The following PCDHGB4 variants were observed in gnomAD, a reference collection of about 807,000 sequenced individuals.
PCDHGB4 encodes protocadherin gamma subfamily B, 4, also known as protocadherin gamma-B4.
In PCDHGB4, 38 loss-of-function variants were observed where a neutral mutation model predicts 60.5. That is an observed-to-expected ratio of 0.63 (90% confidence interval 0.48 to 0.82). The LOEUF (loss-of-function observed/expected upper bound fraction) is 0.82, where lower values mean the gene tolerates loss of function less well. Among genes scored for constraint, PCDHGB4 ranks in the 40% least tolerant of loss-of-function variants. PCDHGB4 has a pLI of 0.00. For synonymous variants in PCDHGB4, 456 were observed against 509.7 expected, an observed-to-expected ratio of 0.89 and a Z score of 1.42; for missense variants, 1,109 against 1,209.6, an observed-to-expected ratio of 0.92 and a Z score of 1.23.
At position 141,413,315 on chromosome 5, in the gene PCDHGB4, C is replaced by G. The variant is rs747758921; in HGVS notation, c.2397+23034C>G. The stretch of plus-strand genomic sequence containing the variant: ...ATTCCTGAGGAATTAGAGAAAGGCT[C>G]TTTCGTGGGCAACATCTCCAAGGAC... On this transcript the variant is annotated intron_variant, in intron 1 of 3. Transcript: ENST00000519479. 6 of 1,613,976 alleles carry G rather than the reference C, an allele frequency of 3.7e-6. No individual in the cohort carries two copies. The South Asian group carries it at 5.5e-5, about 15-fold the overall frequency.
At chr5:141,402,212 A>C (rs1282581389) in intron 1 of PCDHGB4, among the ~76,000 whole-genome samples, 1 of 152,138 alleles carries the variant, frequency 6.6e-6, no homozygotes, top group Non-Finnish European at 1.5e-5. Flanking sequence ...ACAAAAATTT[A>C]AAATAAACGT....
At chr5:141,423,790 T>C (rs1561813105) in intron 1 of PCDHGB4, 2 of 1,261,874 alleles carry the variant, frequency 1.6e-6, no homozygotes, top group Non-Finnish European at 1.0e-6. Context: ...TTCATATATA[T>C]TTAGAGCAAT....
At chr5:141,419,789 G>A (rs758649709) in intron 1 of PCDHGB4, 2 of 1,614,068 alleles carry the variant, frequency 1.2e-6, no homozygotes, top group South Asian at 2.2e-5. Context: ...GCGCCTGCTA[G>A]TCGCTGTAAG....
intron 2 of PCDHGB4, among the ~76,000 whole-genome samples, chr5:141,500,428 C>G (rs1224554560): frequency 6.6e-6 from 1 of 151,836 alleles, no homozygotes; most frequent in African/African-American, 2.4e-5. Context: ...CCAGGATGGT[C>G]TCGATCTCCT....
intron 1 of PCDHGB4, among the ~76,000 whole-genome samples, chr5:141,451,829 C>T (rs564970982): frequency 1.2e-4 from 18 of 151,422 alleles, no homozygotes; most frequent in African/African-American, 4.1e-4. Flanking sequence ...TACAGTGAGC[C>T]GAGATCACAC....
chr5:141,497,211 G>C (rs914346878), intron 2 of PCDHGB4, among the ~76,000 whole-genome samples: 19 of 28,538 alleles, frequency 6.7e-4, no homozygotes, highest in African/African-American at 2.3e-3. Flanking sequence ...GAGTGTAATG[G>C]GGGGGGGAAG....
chr5:141,463,438 CTTTTTTTTTTTT>C (rs71576115), intron 1 of PCDHGB4, among the ~76,000 whole-genome samples: 6 of 103,254 alleles, frequency 5.8e-5, no homozygotes, highest in Admixed American at 3.1e-4. Flanking sequence ...TTTCCTTCTC[CTTTTTTTTTTTT>C]TTTTTTTTTT....
At chr5:141,478,723 A>C in intron 1 of PCDHGB4, 16 of 1,543,220 alleles carry the variant, frequency 1.0e-5, no homozygotes, top group Non-Finnish European at 1.3e-5. Flanking sequence ...GTGGCCTGCC[A>C]GAGTGTGGTT....
At chr5:141,409,729 G>A (rs781234442) in intron 1 of PCDHGB4, 161 of 1,612,966 alleles carry the variant, frequency 1.0e-4, no homozygotes, top group Non-Finnish European at 1.7e-6. Context: ...CAGTGAGCGC[G>A]CAGAGCGGGG....
At chr5:141,414,305 A>G (rs2095732833) in intron 1 of PCDHGB4, 2 of 1,613,604 alleles carry the variant, frequency 1.2e-6, no homozygotes, top group African/African-American at 2.7e-5. Flanking sequence ...AATGTGCATG[A>G]TTTAGACTCT....
chr5:141,489,101 T>A lies in PCDHGB4; in HGVS notation c.2398-5706T>A. 2 of 398,380 alleles carry A rather than the reference T, an allele frequency of 5.0e-6. No individual in the cohort carries two copies. Among genetic ancestry groups the A allele is most frequent in the Non-Finnish European group, 9.0e-6 (2 of 223,310 alleles). The allele number at this position is 398,380 out of a possible 1,614,324, so 24.7% of individuals were successfully genotyped here. ...CCGCCACTCGGTGACTAAGAACTGC[T>A]GCAAGCAGGCAAACCTCCGAGCAGT... On this transcript the variant is annotated intron_variant, in intron 1 of 3. Coordinates refer to ENST00000519479, the MANE Select transcript of PCDHGB4 (RefSeq NM_003736.4). This position sits in a 1 kb window ranked among gnomAD's most constrained non-coding sequence, Gnocchi z 4.5.
At position 141,399,929 on chromosome 5, in the gene PCDHGB4, C is replaced by T. The variant is rs746168026; in HGVS notation, c.2397+9648C>T. 15 of 1,612,262 alleles carry T rather than the reference C, an allele frequency of 9.3e-6. No homozygotes were observed. The African/African-American group carries it at 1.1e-4, about 11-fold the overall frequency. On this transcript the variant is annotated intron_variant, in intron 1 of 3. Coordinates refer to ENST00000519479, the MANE Select transcript of PCDHGB4 (RefSeq NM_003736.4). ...GACTCAGGACACAACGCCTGGCTGT[C>T]CTACCACGTGCTGCAGGCTAGCGAG...
intron 1 of PCDHGB4, chr5:141,415,164 G>A: frequency 1.9e-6 from 3 of 1,613,838 alleles, no homozygotes; most frequent in African/African-American, 2.7e-5. Flanking sequence ...CCACTGTCAC[G>A]CTCACCGTGG....
Position 141,476,064 on chromosome 5 carries a change from C to T in PCDHGB4, c.2398-18743C>T, listed in dbSNP as rs1593605493. On this transcript the variant is annotated intron_variant, in intron 1 of 3. Transcript: ENST00000519479. The surrounding 1 kb of genome is among the most constrained non-coding windows in gnomAD (Gnocchi z 7.6). Reference sequence around the variant, plus strand: ...CGCTAACCCGCTGAAAGTTTCTCAGCGAAATCTCAGGGACGATCTGGACCC... The same window carrying T: ...CGCTAACCCGCTGAAAGTTTCTCAGTGAAATCTCAGGGACGATCTGGACCC... 2.0e-6 allele frequency: 3 copies of T among 1,510,080 alleles called. No homozygotes were observed. In the East Asian group the frequency reaches 6.8e-5, roughly 34 times the overall value. 93.5% of individuals were successfully genotyped at this position (1,510,080 alleles called of 1,614,324 possible). A position where few individuals can be genotyped will look rare whatever the true frequency, so the allele number is the denominator to read the frequency against.
At chr5:141,447,535 G>C (rs1366016262) in intron 1 of PCDHGB4, among the ~76,000 whole-genome samples, 1 of 152,162 alleles carries the variant, frequency 6.6e-6, no homozygotes, top group African/African-American at 2.4e-5. Flanking sequence ...AAATTGTTGG[G>C]TTTTAATGTT....
intron 1 of PCDHGB4, chr5:141,399,892 G>T: frequency 1.2e-6 from 2 of 1,612,554 alleles, no homozygotes; most frequent in Non-Finnish European, 1.7e-6. Flanking sequence ...CAAGGTAGTG[G>T]CCGTGGACGC....
intron 1 of PCDHGB4, chr5:141,400,528 A>T (rs764084750): frequency 1.9e-6 from 3 of 1,613,868 alleles, no homozygotes; most frequent in Non-Finnish European, 2.5e-6. Context: ...TGAGTTGGTG[A>T]GTTTCATTTA....
At chr5:141,393,166 G>A in intron 1 of PCDHGB4, 2 of 1,613,244 alleles carry the variant, frequency 1.2e-6, no homozygotes, top group Non-Finnish European at 1.7e-6. Flanking sequence ...AAACTCTTTG[G>A]GGTAGAAATA....
intron 1 of PCDHGB4, among the ~76,000 whole-genome samples, chr5:141,448,422 T>C (rs1561930551): frequency 3.9e-5 from 6 of 152,150 alleles, no homozygotes; most frequent in Admixed American, 3.3e-4. Flanking sequence ...CAATATACTA[T>C]GTATATATTG....
Sources: gnomAD v4.1 joint callset for allele counts (sites outside exome capture counted in the v4.1 genomes callset) on GRCh38, gnomAD v4.1.1 for gene constraint, Gnocchi (gnomAD v3.1) non-coding constraint, MANE v1.5 for transcripts, NCBI Gene and HGNC (gene_info 2026-07-23, HGNC 2026-07-21) for gene names.